Variants in TRAPPC9 observed in about 807,000 individuals in gnomAD.
TRAPPC9 encodes the protein trafficking protein particle complex subunit 9.
In TRAPPC9, 83 loss-of-function variants were observed where a neutral mutation model predicts 124.0. The observed-to-expected ratio is 0.67, with a 90% CI of 0.56 to 0.80. The LOEUF (loss-of-function observed/expected upper bound fraction) is 0.80. TRAPPC9 is among the 30% of genes least tolerant of loss of function. The pLI is 0.00. For missense variants in TRAPPC9, 1,302 were observed against 1,508.3 expected, an observed-to-expected ratio of 0.86 and a Z score of 2.27; for synonymous variants, 638 against 617.5, an observed-to-expected ratio of 1.03 and a Z score of -0.49.
At chr8:139,995,139 C>T (rs899619347) in intron 18 of TRAPPC9, among the ~76,000 whole-genome samples, 1 of 152,118 alleles carries the variant, frequency 6.6e-6, no homozygotes, top group Non-Finnish European at 1.5e-5. Flanking sequence ...ACAGTAGGAG[C>T]CAGAAACTGA....
At chr8:140,251,116 T>G (rs1226422637) in intron 16 of TRAPPC9, among the ~76,000 whole-genome samples, 1 of 152,130 alleles carries the variant, frequency 6.6e-6, no homozygotes, top group East Asian at 1.9e-4. Flanking sequence ...ACACTGTTCC[T>G]CAGGAATAAG....
chr8:139,800,770 C>T (rs1235723568), intron 21 of TRAPPC9, among the ~76,000 whole-genome samples: 1 of 152,018 alleles, frequency 6.6e-6, no homozygotes, highest in East Asian at 1.9e-4. Flanking sequence ...TGGTATCTTC[C>T]CTCCCTCCGG....
chr8:140,360,979 C>T (rs12155853), intron 8 of TRAPPC9, among the ~76,000 whole-genome samples: 39,241 of 152,076 alleles, frequency 0.26, 5,445 homozygotes, highest in Non-Finnish European at 0.29. Flanking sequence ...TAGAACCATC[C>T]TCCTACCTTG....
intron 19 of TRAPPC9, among the ~76,000 whole-genome samples, chr8:139,948,780 T>G (rs1298169379): frequency 6.6e-6 from 1 of 152,048 alleles, no homozygotes; most frequent in Non-Finnish European, 1.5e-5. Flanking sequence ...ACCGAAATAT[T>G]AAAAAGACAA....
intron 19 of TRAPPC9, among the ~76,000 whole-genome samples, chr8:139,928,798 C>G (rs1832953143): frequency 6.6e-6 from 1 of 150,894 alleles, no homozygotes; most frequent in African/African-American, 2.4e-5. Context: ...GTATGGCGCT[C>G]ACAGGGTCTT....
At chr8:140,334,633 G>C (rs1030623019) in intron 9 of TRAPPC9, among the ~76,000 whole-genome samples, 1 of 150,454 alleles carries the variant, frequency 6.6e-6, no homozygotes, top group Non-Finnish European at 1.5e-5. Context: ...TTGGGCGACA[G>C]AGCGAGACTC....
chr8:140,001,403 T>A (rs1057406780), intron 18 of TRAPPC9, among the ~76,000 whole-genome samples: 6 of 136,650 alleles, frequency 4.4e-5, no homozygotes, highest in Non-Finnish European at 8.2e-5. Flanking sequence ...ATAATAATAA[T>A]AAAAAGAAAC....
intron 13 of TRAPPC9, among the ~76,000 whole-genome samples, chr8:140,285,717 C>A (rs561486897): frequency 1.3e-5 from 2 of 152,076 alleles, no homozygotes; most frequent in African/African-American, 4.8e-5. Context: ...GGACTCCCCC[C>A]ACAGCCCACC....
intron 10 of TRAPPC9, among the ~76,000 whole-genome samples, 194 bp downstream of exon 10, chr8:140,311,054 G>A (rs575351409): frequency 1.2e-4 from 19 of 152,244 alleles, no homozygotes; most frequent in East Asian, 7.8e-4. Context: ...ACAGAATGTC[G>A]CTGGCCCTGA....
At chr8:140,350,681 C>T (rs969948726) in intron 9 of TRAPPC9, among the ~76,000 whole-genome samples, 3 of 151,966 alleles carry the variant, frequency 2.0e-5, no homozygotes, top group East Asian at 1.9e-4. Context: ...AGAAGCGCAC[C>T]GTTCAAGATC....
chr8:140,154,896 A>ACT (rs2061602735), intron 17 of TRAPPC9, among the ~76,000 whole-genome samples: 1 of 152,006 alleles, frequency 6.6e-6, no homozygotes, highest in Admixed American at 6.5e-5. Context: ...TATCACTGTA[A>ACT]CTCTCGAGTA....
intron 17 of TRAPPC9, among the ~76,000 whole-genome samples, chr8:140,159,844 G>A (rs948882686): frequency 1.3e-5 from 2 of 152,190 alleles, no homozygotes; most frequent in African/African-American, 4.8e-5. Context: ...CATCGACCAC[G>A]TTCCTCTTCC....
intron 8 of TRAPPC9, among the ~76,000 whole-genome samples, chr8:140,365,516 A>T (rs967579696): frequency 6.6e-6 from 1 of 152,352 alleles, no homozygotes; most frequent in South Asian, 2.1e-4. Context: ...TGCAGGCACC[A>T]GGCTTAGCAA....
intron 22 of TRAPPC9, among the ~76,000 whole-genome samples, chr8:139,731,552 A>G (rs918577886): frequency 6.6e-6 from 1 of 152,122 alleles, no homozygotes; most frequent in Non-Finnish European, 1.5e-5. Context: ...GGGGCCTGAC[A>G]GTGAGGTGCT....
intron 19 of TRAPPC9, among the ~76,000 whole-genome samples, chr8:139,918,742 T>C (rs1464088322): frequency 6.6e-6 from 1 of 152,248 alleles, no homozygotes; most frequent in South Asian, 2.1e-4. Context: ...CCTTTAAGTA[T>C]TGTTTTCTTC....
chr8:139,809,642 C>G (rs1022559679), intron 21 of TRAPPC9, among the ~76,000 whole-genome samples: 2 of 152,252 alleles, frequency 1.3e-5, no homozygotes, highest in East Asian at 3.9e-4. Context: ...GACAGCCCAG[C>G]CCTGATCTTC....
At chr8:139,815,903 C>T (rs1021566017) in intron 21 of TRAPPC9, among the ~76,000 whole-genome samples, 1 of 152,244 alleles carries the variant, frequency 6.6e-6, no homozygotes, top group Non-Finnish European at 1.5e-5. Flanking sequence ...TGACTCTTCA[C>T]AGTCACCTTG....
chr8:139,817,613 C>A (rs548588990), intron 21 of TRAPPC9, among the ~76,000 whole-genome samples: 127 of 152,348 alleles, frequency 8.3e-4, no homozygotes, highest in Non-Finnish European at 1.4e-3. Flanking sequence ...CGGCAGCAGG[C>A]GCCACGTGGC....
chr8:139,855,982 T>C (rs1057206214), intron 21 of TRAPPC9, among the ~76,000 whole-genome samples: 2 of 152,198 alleles, frequency 1.3e-5, no homozygotes, highest in Non-Finnish European at 2.9e-5. Context: ...CTTGATCTTC[T>C]CTATCTAGTC....
Sources: allele counts gnomAD v4.1 joint callset (sites outside exome capture counted in the v4.1 genomes callset), GRCh38; gene constraint gnomAD v4.1.1; transcripts MANE v1.5; gene names NCBI Gene and HGNC (gene_info 2026-07-23, HGNC 2026-07-21).